CNTN1: variants seen among roughly 807,000 people sequenced by gnomAD.
CNTN1 encodes contactin-1.
Under a neutral mutation model 126.4 loss-of-function variants are expected in CNTN1, and 38 were observed. That is an observed-to-expected ratio of 0.30 (90% CI 0.23 to 0.39). The LOEUF (loss-of-function observed/expected upper bound fraction) is 0.39, where lower values mean the gene tolerates loss of function less well. Ranked by LOEUF, CNTN1 falls within the 10% of genes least tolerant of loss-of-function variation. The pLI is 1.00. For synonymous variants in CNTN1, 413 were observed against 422.6 expected, an observed-to-expected ratio of 0.98 and a Z score of 0.28; for missense variants, 1,009 against 1,248.4, an observed-to-expected ratio of 0.81 and a Z score of 2.89.
chr12:40,723,944 G>C (rs983610128), intron 1 of CNTN1, among the ~76,000 whole-genome samples: 4 of 152,142 alleles, frequency 2.6e-5, no homozygotes, highest in Non-Finnish European at 5.9e-5. Context: ...GAAAGAGAAA[G>C]AGAATTATAA....
chr12:40,862,705 G>T (rs1367467924), intron 1 of CNTN1, among the ~76,000 whole-genome samples: 1 of 151,996 alleles, frequency 6.6e-6, no homozygotes, highest in Non-Finnish European at 1.5e-5. Flanking sequence ...CAATGTAAAG[G>T]TCATGAAAAA....
At chr12:40,816,247 C>G (rs1290243753) in intron 1 of CNTN1, among the ~76,000 whole-genome samples, 1 of 152,122 alleles carries the variant, frequency 6.6e-6, no homozygotes, top group Admixed American at 6.5e-5. Flanking sequence ...CCTTGTATTT[C>G]TGGTAGAATT....
chr12:40,719,563 A>T (rs1230834969), intron 1 of CNTN1, among the ~76,000 whole-genome samples: 1 of 152,230 alleles, frequency 6.6e-6, no homozygotes, highest in Non-Finnish European at 1.5e-5. Flanking sequence ...TTGAATCAAG[A>T]CTGAAACCTT....
intron 23 of CNTN1, among the ~76,000 whole-genome samples, chr12:41,048,171 G>T (rs1280162675): frequency 6.6e-6 from 1 of 152,070 alleles, no homozygotes; most frequent in African/African-American, 2.4e-5. Context: ...GCTAAAGGTG[G>T]CCAGAGAAGA....
At chr12:40,723,155 C>T (rs916076538) in intron 1 of CNTN1, among the ~76,000 whole-genome samples, 7 of 152,164 alleles carry the variant, frequency 4.6e-5, no homozygotes, top group African/African-American at 1.7e-4. Flanking sequence ...GGTAGGCCGA[C>T]TTCGCTCCTT....
In CNTN1 at chr12:40,908,460, C is replaced by T; in HGVS notation, c.28C>T (p.Leu10Phe). ...GAAAATGTGGTTGCTGGTCAGTCATCTTGTGATAATATCTATTACTACCTG... is the reference window on the plus strand; with the variant it reads ...GAAAATGTGGTTGCTGGTCAGTCATTTTGTGATAATATCTATTACTACCTG... MKMWLLVSH[L>F]VIISITTCLA... The change falls in exon 2 of 24, where the codon CTT (leucine) becomes TTT (phenylalanine). Residue 10 changes from leucine to phenylalanine, a missense_variant. Leu to Phe is a conservative substitution (Grantham distance 22, BLOSUM62 0). Coordinates refer to ENST00000551295, the MANE Select transcript of CNTN1 (RefSeq NM_001843.4). 6.2e-7 allele frequency: 1 copy of T among 1,612,592 alleles called. No homozygotes were observed. The highest frequency in any genetic ancestry group is 2.2e-5 in the East Asian group (1 of 44,778).
chr12:40,707,381 T>C (rs1941795434), intron 1 of CNTN1, among the ~76,000 whole-genome samples: 1 of 151,848 alleles, frequency 6.6e-6, no homozygotes, highest in South Asian at 2.1e-4. Context: ...CCCGAGTAGC[T>C]GGGACTACAG....
At chr12:41,057,126 T>TA (rs1566235984) in intron 23 of CNTN1, among the ~76,000 whole-genome samples, 1 of 141,516 alleles carries the variant, frequency 7.1e-6, no homozygotes, top group African/African-American at 2.6e-5. Flanking sequence ...TATATTTAGA[T>TA]ATTTATAAAT....
chr12:40,983,070 C>T (rs1000049288), intron 16 of CNTN1, among the ~76,000 whole-genome samples: 3 of 151,950 alleles, frequency 2.0e-5, no homozygotes, highest in Non-Finnish European at 2.9e-5. Context: ...TGCACATGTA[C>T]CCTAGAACTT....
chr12:40,845,776 C>T (rs898680267), intron 1 of CNTN1, among the ~76,000 whole-genome samples: 1 of 152,146 alleles, frequency 6.6e-6, no homozygotes, highest in Non-Finnish European at 1.5e-5. Context: ...CCAGAGAGGG[C>T]ACAGAAGCTC....
chr12:41,034,791 T>C (rs1447551955), intron 23 of CNTN1, among the ~76,000 whole-genome samples: 1 of 152,242 alleles, frequency 6.6e-6, no homozygotes, highest in Non-Finnish European at 1.5e-5. Context: ...CACATAAATG[T>C]ACTTAGCACT....
chr12:40,940,596 A>G (rs1946234349), intron 12 of CNTN1, among the ~76,000 whole-genome samples: 1 of 152,158 alleles, frequency 6.6e-6, no homozygotes, highest in Non-Finnish European at 1.5e-5. Context: ...CTGCAAAAAT[A>G]TATTCATGCT....
At chr12:40,753,154 C>T (rs1938468416) in intron 1 of CNTN1, among the ~76,000 whole-genome samples, 1 of 152,104 alleles carries the variant, frequency 6.6e-6, no homozygotes, top group Non-Finnish European at 1.5e-5. Context: ...TAATTTTGAC[C>T]AATTCCCACT....
At chr12:40,789,914 C>T (rs1940157165) in intron 1 of CNTN1, among the ~76,000 whole-genome samples, 1 of 152,110 alleles carries the variant, frequency 6.6e-6, no homozygotes, top group Non-Finnish European at 1.5e-5. Context: ...GATGGGAACA[C>T]GTGGAAGATT....
At chr12:40,921,483 G>T (rs2136868452) in intron 4 of CNTN1, among the ~76,000 whole-genome samples, 1 of 152,254 alleles carries the variant, frequency 6.6e-6, no homozygotes, top group East Asian at 1.9e-4. Context: ...TTAGATCCCT[G>T]TTTCCAGTCT....
At chr12:40,859,893 T>C (rs1943059233) in intron 1 of CNTN1, among the ~76,000 whole-genome samples, 1 of 152,176 alleles carries the variant, frequency 6.6e-6, no homozygotes, top group Non-Finnish European at 1.5e-5. Context: ...ACTTTCAACA[T>C]TTAAAACTGA....
chr12:40,964,797 T>C (rs758133093), intron 15 of CNTN1, among the ~76,000 whole-genome samples: 12 of 152,120 alleles, frequency 7.9e-5, no homozygotes, highest in Non-Finnish European at 1.6e-4. Context: ...ATAAGCCTGA[T>C]GGAAGCTGTC....
rs36070275 is a variant in CNTN1, at chr12:40,949,569, C to CTTTTTTTTTTTTTT, written c.1683+5412_1683+5425dup. Among the ~76,000 whole-genome samples, 77 of 64,350 alleles carry CTTTTTTTTTTTTTT rather than the reference C, an allele frequency of 1.2e-3. 1 individual carries two copies. Among genetic ancestry groups the CTTTTTTTTTTTTTT allele is most frequent in the Non-Finnish European group, 1.5e-3 (55 of 35,568 alleles). The allele number at this position is 64,350 out of a possible 152,430, so 42.2% of individuals were successfully genotyped here. On this transcript the variant is annotated intron_variant, in intron 14 of 23. Transcript: ENST00000551295. ...TGGGTTTTCTTCTTTTCTTTTCTTT[C>CTTTTTTTTTTTTTT]TTTTTTTTTTTTTTTTTTTTTTTTT...
intron 15 of CNTN1, among the ~76,000 whole-genome samples, chr12:40,975,410 C>T (rs1947646790): frequency 1.3e-5 from 2 of 151,786 alleles, no homozygotes; most frequent in Non-Finnish European, 2.9e-5. Flanking sequence ...ATCATTCAGG[C>T]CGTTTCCCCA....
Sources: gnomAD v4.1 joint callset for allele counts (sites outside exome capture counted in the v4.1 genomes callset) on GRCh38, gnomAD v4.1.1 for gene constraint, MANE v1.5 for transcripts, NCBI Gene and HGNC (gene_info 2026-07-23, HGNC 2026-07-21) for gene names.